The following POTEM variants were observed in gnomAD, a reference collection of about 807,000 sequenced individuals.
The protein encoded by POTEM is POTE ankyrin domain family member M.
For synonymous variants in POTEM, 8 were observed against 113.2 expected, an observed-to-expected ratio of 0.07 and a Z score of 5.90; for missense variants, 24 against 343.0, an observed-to-expected ratio of 0.07 and a Z score of 7.35.
intron 1 of POTEM, among the ~76,000 whole-genome samples, chr14:18,969,310 T>C (rs201573118): frequency 0.041 from 2,358 of 57,348 alleles, 1 homozygote; most frequent in South Asian, 0.15. Context: ...TATATACGTA[T>C]ATATATGTAT....
intron 9 of POTEM, among the ~76,000 whole-genome samples, chr14:18,991,128 C>T (rs1490360198): frequency 7.8e-6 from 1 of 128,924 alleles, no homozygotes; most frequent in African/African-American, 2.6e-5. Context: ...AGGTGATCTG[C>T]CTGCCTTGGC....
chr14:18,969,374 T>TATAG (rs1890856180), intron 1 of POTEM, among the ~76,000 whole-genome samples: 1 of 131,496 alleles, frequency 7.6e-6, no homozygotes, highest in Non-Finnish European at 1.6e-5. Context: ...TATATATATA[T>TATAG]ATATACACAA....
At position 18,999,481 on chromosome 14, in the gene POTEM, A is replaced by G. The variant is rs1472683651; in HGVS notation, c.*816A>G. Among the ~76,000 whole-genome samples the G allele has an allele frequency of 1.9e-5, 2 of 107,964 alleles. No homozygotes were observed. The highest frequency in any genetic ancestry group is 6.3e-5 in the African/African-American group (2 of 31,778). 70.8% of individuals were successfully genotyped at this position (107,964 alleles called of 152,430 possible). Reference sequence around the variant, plus strand: ...GGCTATAGTTTCACCACCATGGCCGAGCAGGAAATCGTGCGTGACATCACA... The same window carrying G: ...GGCTATAGTTTCACCACCATGGCCGGGCAGGAAATCGTGCGTGACATCACA... On this transcript the variant is annotated 3_prime_UTR_variant, in exon 11 of 11. Coordinates refer to ENST00000547889, the MANE Select transcript of POTEM (RefSeq NM_001145442.1).
intron 9 of POTEM, among the ~76,000 whole-genome samples, chr14:18,996,204 G>A (rs1299589306): frequency 4.6e-5 from 7 of 151,570 alleles, no homozygotes; most frequent in Non-Finnish European, 8.8e-5. Context: ...AGTGCTTAAC[G>A]ATGAGTTTAT....
chr14:18,968,713 C>T (rs1379100319), intron 1 of POTEM, among the ~76,000 whole-genome samples: 2 of 152,246 alleles, frequency 1.3e-5, no homozygotes, highest in African/African-American at 4.8e-5. Flanking sequence ...GTCCCAGCTA[C>T]TCAGGAGGCT....
At position 18,967,811 on chromosome 14, in the gene POTEM, G is replaced by C; in HGVS notation, c.326G>C (p.Cys109Ser). The C allele has an allele frequency of 6.4e-7, 1 of 1,566,478 alleles. No individual in the cohort carries two copies. Among genetic ancestry groups the C allele is most frequent in the South Asian group, 1.1e-5 (1 of 89,536 alleles). The change falls in exon 1 of 11, where the codon TGC (cysteine) becomes TCC (serine). Residue 109 changes from cysteine (C) to serine (S), a missense_variant. Physicochemically the swap from Cys to Ser is moderately radical, Grantham distance 112 (BLOSUM62 -1). Coordinates refer to ENST00000547889, the MANE Select transcript of POTEM (RefSeq NM_001145442.1). ...TGGTGCTGCCACTGCTTCCCCTGCT[G>C]CAGGGGGAGCGGCAAGAGCAAAGTG... Reference protein sequence around the residue: ...GKWCCHCFPCCRGSGKSKVGP... With the variant: ...GKWCCHCFPCSRGSGKSKVGP...
intron 1 of POTEM, among the ~76,000 whole-genome samples, chr14:18,968,772 G>A (rs1288182380): frequency 6.6e-6 from 1 of 152,272 alleles, no homozygotes; most frequent in Non-Finnish European, 1.5e-5. Context: ...GCAGTGAGCC[G>A]AGATCACGCC....
At chr14:18,991,136 G>C (rs1226496076) in intron 9 of POTEM, among the ~76,000 whole-genome samples, 1 of 131,328 alleles carries the variant, frequency 7.6e-6, no homozygotes, top group Non-Finnish European at 1.7e-5. Flanking sequence ...TGCCTGCCTT[G>C]GCCTCACGAA....
rs1183854408 is a variant in POTEM at position 18,997,022 on chromosome 14, AAATT to A, written c.1410-14_1410-11del. 3 of 631,676 alleles carry A rather than the reference AAATT, an allele frequency of 4.7e-6. No homozygotes were observed. The highest frequency in any genetic ancestry group is 1.7e-5 in the South Asian group (1 of 59,580). The allele number at this position is 631,676 out of a possible 1,614,324, so 39.1% of individuals were successfully genotyped here. Reference sequence around the variant, plus strand: ...TGGGGACACCTCCAGTATTTCATGAAAATTAATTTTTTTTCTAGTGATGAACAAA... The same window carrying A: ...TGGGGACACCTCCAGTATTTCATGAAAATTTTTTTTCTAGTGATGAACAAA... On this transcript the variant is annotated splice_polypyrimidine_tract_variant and intron_variant, in intron 9 of 10. Coordinates refer to ENST00000547889, the MANE Select transcript of POTEM (RefSeq NM_001145442.1).
chr14:18,969,307 G>A (rs75907553), intron 1 of POTEM, among the ~76,000 whole-genome samples: 311 of 79,400 alleles, frequency 3.9e-3, no homozygotes, highest in Non-Finnish European at 6.0e-3. Flanking sequence ...ATGTATATAC[G>A]TATATATATG....
chr14:18,999,397 G>A lies in POTEM; in HGVS notation c.*732G>A, dbSNP rs201649014. On this transcript the variant is annotated 3_prime_UTR_variant, in exon 11 of 11. Coordinates refer to ENST00000547889, the MANE Select transcript of POTEM (RefSeq NM_001145442.1). ...AATGCCCTCCCCCATGCCACCCTGCGCCTAGACCTGGCTGGCCGGGAACTG... is the reference window on the plus strand; with the variant it reads ...AATGCCCTCCCCCATGCCACCCTGCACCTAGACCTGGCTGGCCGGGAACTG... Among the ~76,000 whole-genome samples the A allele has an allele frequency of 0.015, 1,822 of 124,234 alleles. 1 individual carries two copies. The highest frequency in any genetic ancestry group is 0.039 in the African/African-American group (1,219 of 31,538). 81.5% of individuals were successfully genotyped at this position (124,234 alleles called of 152,430 possible). A position where few individuals can be genotyped will look rare whatever the true frequency, so the allele number is the denominator to read the frequency against.
chr14:19,003,372 AAT>A lies in POTEM; in HGVS notation c.*4710_*4711del. ...GGCTCAAAATAAAGGAATGGAGAAA[AAT>A]ATTTCAAGCAAATGGAAAACAGAAA... On this transcript the variant is annotated 3_prime_UTR_variant, in exon 11 of 11. Coordinates refer to ENST00000547889, the MANE Select transcript of POTEM (RefSeq NM_001145442.1). Among the ~76,000 whole-genome samples, 1 of 145,692 alleles carries A rather than the reference AAT, an allele frequency of 6.9e-6. No individual in the cohort carries two copies. Among genetic ancestry groups the A allele is most frequent in the East Asian group, 2.0e-4 (1 of 5,116 alleles).
intron 9 of POTEM, among the ~76,000 whole-genome samples, chr14:18,995,047 T>A (rs1349029340): frequency 1.2e-4 from 10 of 83,672 alleles, no homozygotes; most frequent in Non-Finnish European, 2.2e-4. Flanking sequence ...TCCTGTTGAT[T>A]TGTTTGAGTT....
Position 19,002,774 on chromosome 14 carries a change from T to C in POTEM, c.*4109T>C, listed in dbSNP as rs1891407623. On this transcript the variant is annotated 3_prime_UTR_variant, in exon 11 of 11. Coordinates refer to ENST00000547889, the MANE Select transcript of POTEM (RefSeq NM_001145442.1). ...GCCACGCACCAGCCTGCACATTACCTCTCCATACTGCAGCCCTTTATATGG... is the reference window on the plus strand; with the variant it reads ...GCCACGCACCAGCCTGCACATTACCCCTCCATACTGCAGCCCTTTATATGG... Among the ~76,000 whole-genome samples, 1 of 152,290 alleles carries C rather than the reference T, an allele frequency of 6.6e-6. No individual in the cohort carries two copies. The highest frequency in any genetic ancestry group is 1.5e-5 in the Non-Finnish European group (1 of 68,044).
At position 18,999,307 on chromosome 14, in the gene POTEM, G is replaced by A. The variant is rs555553858; in HGVS notation, c.*642G>A. On this transcript the variant is annotated 3_prime_UTR_variant, in exon 11 of 11. Transcript: ENST00000547889. ...GTGCTGTCCTTGTACACCTCTGGCC[G>A]TACTACTGGCATTGTGATGGACTCT... 1.7e-3 allele frequency among the ~76,000 whole-genome samples: 216 copies of A among 128,544 alleles called. No homozygotes were observed. The highest frequency in any genetic ancestry group is 2.3e-3 in the Non-Finnish European group (138 of 59,930). 84.3% of individuals were successfully genotyped at this position (128,544 alleles called of 152,430 possible).
At chr14:18,969,332 T>C (rs1173386608) in intron 1 of POTEM, among the ~76,000 whole-genome samples, 2 of 121,536 alleles carry the variant, frequency 1.6e-5, no homozygotes. Flanking sequence ...TATATATATA[T>C]ACGTATATAC....
chr14:18,969,280 T>G (rs562790057), intron 1 of POTEM, among the ~76,000 whole-genome samples: 2 of 131,948 alleles, frequency 1.5e-5, no homozygotes, highest in South Asian at 4.8e-4. Context: ...TGCAGATATA[T>G]ATACACATGT....
intron 1 of POTEM, among the ~76,000 whole-genome samples, chr14:18,969,207 A>T (rs1890839081): frequency 7.5e-6 from 1 of 133,462 alleles, no homozygotes; most frequent in African/African-American, 3.0e-5. Flanking sequence ...AGTATAGATT[A>T]AAAATTTTAA....
chr14:18,991,131 G>A (rs1182237785), intron 9 of POTEM, among the ~76,000 whole-genome samples: 74 of 130,710 alleles, frequency 5.7e-4, no homozygotes, highest in African/African-American at 1.9e-3. Flanking sequence ...TGATCTGCCT[G>A]CCTTGGCCTC....
Sources: gnomAD v4.1 joint callset for allele counts (sites outside exome capture counted in the v4.1 genomes callset) on GRCh38, gnomAD v4.1.1 for gene constraint, MANE v1.5 for transcripts, NCBI Gene and HGNC (gene_info 2026-07-23, HGNC 2026-07-21) for gene names.